Variants in SPARC observed in about 807,000 individuals in gnomAD.
The protein encoded by SPARC is secreted protein acidic and cysteine rich, also known as basement-membrane protein 40.
SPARC carries 23 observed loss-of-function variants against 37.7 expected under a neutral mutation model. The observed-to-expected ratio is 0.61, with a 90% CI of 0.44 to 0.87. The LOEUF is 0.87. SPARC is among the 40% of genes least tolerant of loss of function. The pLI, the probability that SPARC is intolerant of heterozygous loss-of-function variation, is 0.00. For synonymous variants in SPARC, 155 were observed against 150.8 expected, an observed-to-expected ratio of 1.03 and a Z score of -0.20; for missense variants, 312 against 389.0, an observed-to-expected ratio of 0.80 and a Z score of 1.66.
At position 151,663,262 on chromosome 5, in the gene SPARC, GT is replaced by G; in HGVS notation, c.*308del. Reference sequence around the variant, plus strand: ...GAGAAAAGTTGAAGCTGCAATGTGTGTTTAAGGCAGAGCCCAGCAGATCCGT... The same window carrying G: ...GAGAAAAGTTGAAGCTGCAATGTGTGTTAAGGCAGAGCCCAGCAGATCCGT... On this transcript the variant is annotated 3_prime_UTR_variant, in exon 10 of 10. Transcript: ENST00000231061. The G allele has an allele frequency of 2.8e-6, 1 of 363,378 alleles. No homozygotes were observed. The highest frequency in any genetic ancestry group is 5.0e-6 in the Non-Finnish European group (1 of 199,532). The allele number at this position is 363,378 out of a possible 1,614,324, so 22.5% of individuals were successfully genotyped here. A position where few individuals can be genotyped will look rare whatever the true frequency, so the allele number is the denominator to read the frequency against.
chr5:151,675,094 T>G (rs1302236450), intron 2 of SPARC, among the ~76,000 whole-genome samples: 2 of 152,172 alleles, frequency 1.3e-5, no homozygotes, highest in African/African-American at 4.8e-5. Flanking sequence ...ATTAGTAGTA[T>G]TATTAGGCAA....
intron 1 of SPARC, among the ~76,000 whole-genome samples, chr5:151,686,121 T>A (rs1761133941): frequency 6.6e-6 from 1 of 152,006 alleles, no homozygotes; most frequent in Non-Finnish European, 1.5e-5. Context: ...ATGTCTTGGT[T>A]GACGATATCT....
intron 1 of SPARC, among the ~76,000 whole-genome samples, chr5:151,681,885 C>T (rs897259756): frequency 1.3e-5 from 2 of 152,172 alleles, no homozygotes; most frequent in Non-Finnish European, 2.9e-5. Context: ...AAGAGTGAAA[C>T]TCCCTCTCAA....
Position 151,676,218 on chromosome 5 carries a change from T to C in SPARC, c.-13-17A>G, listed in dbSNP as rs370093717. 24 of 1,589,764 alleles carry C rather than the reference T, an allele frequency of 1.5e-5. No individual in the cohort carries two copies. The highest frequency in any genetic ancestry group is 1.0e-4 in the Admixed American group (6 of 58,114). Reference sequence around the variant, plus strand: ...CTGGGAACCCTATGGGGAGGAGAGATTGAGAGTTCAGTGAGGGTGAGACTT... The same window carrying C: ...CTGGGAACCCTATGGGGAGGAGAGACTGAGAGTTCAGTGAGGGTGAGACTT... On this transcript the variant is annotated splice_polypyrimidine_tract_variant and intron_variant, in intron 1 of 9. Transcript: ENST00000231061.
At chr5:151,676,325 G>T (rs763975427) in intron 1 of SPARC, 124 bp from the exon 2 acceptor site, 1 of 657,704 alleles carries the variant, frequency 1.5e-6, no homozygotes, top group Non-Finnish European at 2.6e-6. Flanking sequence ...TGAAAAACAT[G>T]AGGAGGTTGG....
intron 1 of SPARC, among the ~76,000 whole-genome samples, chr5:151,677,679 A>G (rs1256094431): frequency 6.6e-6 from 1 of 152,154 alleles, no homozygotes; most frequent in Non-Finnish European, 1.5e-5. Flanking sequence ...TGGTCTTGAC[A>G]CATATGGTCT....
rs545895254 is a variant in SPARC, at chr5:151,683,298, T to C, written c.-14+3567A>G. Reference sequence around the variant, plus strand: ...AATGACAAAGCCACGTGGGCTGGAATAGGCATTGCAGGCCAGCCAACGGGA... The same window carrying C: ...AATGACAAAGCCACGTGGGCTGGAACAGGCATTGCAGGCCAGCCAACGGGA... On this transcript the variant is annotated intron_variant, in intron 1 of 9. Coordinates refer to ENST00000231061, the MANE Select transcript of SPARC (RefSeq NM_003118.4). 2.0e-5 allele frequency among the ~76,000 whole-genome samples: 3 copies of C among 152,346 alleles called. No homozygotes were observed. In the South Asian group the frequency reaches 6.2e-4, roughly 32 times the overall value.
At chr5:151,673,447 C>T (rs1760789085) in intron 3 of SPARC, among the ~76,000 whole-genome samples, 1 of 152,044 alleles carries the variant, frequency 6.6e-6, no homozygotes, top group South Asian at 2.1e-4. Flanking sequence ...CCTTGGACCC[C>T]AAAATCACTA....
chr5:151,672,611 C>G (rs988018929), intron 4 of SPARC: 3 of 155,900 alleles, frequency 1.9e-5, no homozygotes, highest in African/African-American at 7.2e-5. Flanking sequence ...GGTCATTTCT[C>G]TCCCAGGGCA....
intron 1 of SPARC, among the ~76,000 whole-genome samples, chr5:151,681,906 A>G (rs1207730628): frequency 6.6e-6 from 1 of 152,214 alleles, no homozygotes; most frequent in Admixed American, 6.5e-5. Flanking sequence ...AAAAATCCAC[A>G]AAAAAGAAAA....
rs541554810 is a variant in SPARC at position 151,681,130 on chromosome 5, G to C, written c.-13-4929C>G. 6.4e-4 allele frequency among the ~76,000 whole-genome samples: 97 copies of C among 152,336 alleles called. 1 individual carries two copies. Among genetic ancestry groups the C allele is most frequent in the Middle Eastern group, 3.4e-3 (1 of 294 alleles). On this transcript the variant is annotated intron_variant, in intron 1 of 9. Transcript: ENST00000231061. ...AAAAACACATGTTGCTGGTAAACAAGCCCAAAGAGAGGAAAACAAGCCTAG... is the reference window on the plus strand; with the variant it reads ...AAAAACACATGTTGCTGGTAAACAACCCCAAAGAGAGGAAAACAAGCCTAG...
chr5:151,676,615 A>G (rs983974445), intron 1 of SPARC, among the ~76,000 whole-genome samples: 5 of 152,222 alleles, frequency 3.3e-5, no homozygotes, highest in South Asian at 2.1e-4. Flanking sequence ...CTGCTTTTGT[A>G]ATACATTTAT....
At chr5:151,678,638 C>T (rs188355522) in intron 1 of SPARC, among the ~76,000 whole-genome samples, 2 of 152,270 alleles carry the variant, frequency 1.3e-5, no homozygotes, top group East Asian at 1.9e-4. Context: ...AATTCAGGCC[C>T]TCTCCAAATA....
chr5:151,666,637 AG>A lies in SPARC; in HGVS notation c.586-129del, dbSNP rs1343043201. ...CCAGACCAAAGCTCACAGCGAGGGG[AG>A]GGAGGTGTCATAGATGGGTACTAGC... is the stretch of plus-strand genomic sequence containing the variant. On this transcript the variant is annotated intron_variant, in intron 7 of 9. Coordinates refer to ENST00000231061, the MANE Select transcript of SPARC (RefSeq NM_003118.4). 1.6e-5 allele frequency: 12 copies of A among 767,578 alleles called. No individual in the cohort carries two copies. The African/African-American group carries it at 1.7e-4, about 11-fold the overall frequency. The allele number at this position is 767,578 out of a possible 1,614,324, so 47.5% of individuals were successfully genotyped here.
intron 6 of SPARC, among the ~76,000 whole-genome samples, chr5:151,669,061 G>A (rs180679867): frequency 6.6e-6 from 1 of 152,218 alleles, no homozygotes; most frequent in African/African-American, 2.4e-5. Flanking sequence ...TTGCAGCTGG[G>A]GTCACTAACC....
At chr5:151,675,873 C>G (rs1194236689) in intron 2 of SPARC, among the ~76,000 whole-genome samples, 1 of 152,152 alleles carries the variant, frequency 6.6e-6, no homozygotes, top group African/African-American at 2.4e-5. Context: ...CTAAAGCAAT[C>G]CTAGTTCATT....
chr5:151,674,161 G>A (rs915006668), intron 3 of SPARC, among the ~76,000 whole-genome samples: 10 of 151,996 alleles, frequency 6.6e-5, no homozygotes, highest in South Asian at 6.2e-4. Context: ...ACAGGCACCC[G>A]CCACCACGCC....
chr5:151,685,517 T>C (rs890435769), intron 1 of SPARC, among the ~76,000 whole-genome samples: 1 of 151,526 alleles, frequency 6.6e-6, no homozygotes, highest in East Asian at 1.9e-4. Flanking sequence ...GACCACTCCA[T>C]AGACCCTGGT....
intron 8 of SPARC, among the ~76,000 whole-genome samples, chr5:151,665,324 T>A (rs200190873): frequency 3.3e-5 from 5 of 151,706 alleles, no homozygotes; most frequent in African/African-American, 1.2e-4. Flanking sequence ...ACTTTTCCCC[T>A]CCCTGCCATA....
Sources: allele counts gnomAD v4.1 joint callset (sites outside exome capture counted in the v4.1 genomes callset), GRCh38; gene constraint gnomAD v4.1.1; transcripts MANE v1.5; gene names NCBI Gene and HGNC (gene_info 2026-07-23, HGNC 2026-07-21).